The following SVIL variants were observed in gnomAD, a reference collection of about 807,000 sequenced individuals.
SVIL encodes supervillin.
Under a neutral mutation model 240.4 loss-of-function variants are expected in SVIL, and 101 were observed. That is an observed-to-expected ratio of 0.42 (90% CI 0.36 to 0.50). SVIL has a LOEUF of 0.50. SVIL is among the 20% of genes least tolerant of loss of function. SVIL has a pLI of 0.01. For missense variants in SVIL, 2,512 were observed against 2,818.7 expected (o/e 0.89, Z 2.46); for synonymous variants, 999 against 1,100.0 (o/e 0.91, Z 1.82).
rs1564627459 is a variant in SVIL at position 29,552,136 on chromosome 10, AAAAAC to A, written c.161-878_161-874del. Among the ~76,000 whole-genome samples the A allele has an allele frequency of 2.7e-5, 4 of 150,354 alleles. No homozygotes were observed. In the East Asian group the frequency reaches 7.8e-4, roughly 29 times the overall value. On this transcript the variant is annotated intron_variant, in intron 5 of 37. Coordinates refer to ENST00000355867, the MANE Select transcript of SVIL (RefSeq NM_021738.3). ...TTGTCTCAAAAAACAAAACAAAAAA[AAAAAC>A]CTATCAATCATCACCCTACAAACTA... is the stretch of plus-strand genomic sequence containing the variant.
chr10:29,702,175 C>CAAAAAAAA (rs60338711), intron 1 of SVIL, among the ~76,000 whole-genome samples: 6 of 61,622 alleles, frequency 9.7e-5, no homozygotes, highest in Non-Finnish European at 1.4e-4. Context: ...ACTCCATCTC[C>CAAAAAAAA]AAAAAAAAAA....
intron 17 of SVIL, among the ~76,000 whole-genome samples, chr10:29,501,410 T>G: frequency 1.4e-5 from 2 of 138,004 alleles, no homozygotes; most frequent in African/African-American, 2.7e-5. Context: ...ATGGTTGGGG[T>G]GGGAAAAATG....
intron 1 of SVIL, among the ~76,000 whole-genome samples, chr10:29,590,165 CAAAAAAAAAAAAA>C (rs58469441): frequency 0.31 from 25,262 of 80,236 alleles, 3,349 homozygotes; most frequent in Non-Finnish European, 0.36. Flanking sequence ...GACTCCGTCT[CAAAAAAAAAAAAA>C]AAAAAAAAAA....
At chr10:29,496,176 TA>T (rs536458428) in intron 18 of SVIL, among the ~76,000 whole-genome samples, 15 of 152,088 alleles carry the variant, frequency 9.9e-5, no homozygotes, top group South Asian at 6.2e-4. Flanking sequence ...AAAAATTTAA[TA>T]AAAAAAACCA....
rs117382634 is a variant in SVIL, at chr10:29,630,772, C to T, written c.-201+3648G>A. On this transcript the variant is annotated intron_variant, in intron 1 of 37. Transcript: ENST00000355867. ...AAGGAAAAAAAAGGAGAACTTATAA[C>T]ACAGAACACCAGCTTCTACTGTGAG... 6.4e-3 allele frequency among the ~76,000 whole-genome samples: 981 copies of T among 152,156 alleles called. 9 individuals are homozygous for T. Among genetic ancestry groups the T allele is most frequent in the Middle Eastern group, 0.014 (4 of 294 alleles).
At chr10:29,599,660 G>A (rs574935876) in intron 1 of SVIL, among the ~76,000 whole-genome samples, 5 of 151,962 alleles carry the variant, frequency 3.3e-5, no homozygotes, top group Non-Finnish European at 5.9e-5. Context: ...CAGATGATCC[G>A]CCCACCTTGG....
chr10:29,493,454 A>AC, intron 20 of SVIL, 63 bp from the exon 21 acceptor site: 6 of 1,558,300 alleles, frequency 3.9e-6, no homozygotes, highest in Non-Finnish European at 4.4e-6. Flanking sequence ...ATTATGCTTC[A>AC]CAATAGTTTA....
chr10:29,578,992 T>C (rs140682181), intron 1 of SVIL, among the ~76,000 whole-genome samples: 72 of 152,326 alleles, frequency 4.7e-4, no homozygotes, highest in African/African-American at 1.6e-3. Context: ...AGGAAGAACA[T>C]GCTAAAGATT....
At position 29,605,414 on chromosome 10, in the gene SVIL, T is replaced by G. The variant is rs75929517; in HGVS notation, c.-201+29006A>C. On this transcript the variant is annotated intron_variant, in intron 1 of 37. Transcript: ENST00000355867. ...GAGTGCAAGAGCAGCTCTAGAGTTT[T>G]GCTGCTCTGAGGTTTCCCAGATATG... is the stretch of plus-strand genomic sequence containing the variant. Among the ~76,000 whole-genome samples the G allele has an allele frequency of 6.0e-3, 921 of 152,376 alleles. 8 individuals are homozygous for G. The highest frequency in any genetic ancestry group is 0.021 in the African/African-American group (862 of 41,592).
At chr10:29,727,736 A>G (rs546651147) in intron 1 of SVIL, among the ~76,000 whole-genome samples, 946 of 92,062 alleles carry the variant, frequency 0.01, 11 homozygotes, top group African/African-American at 0.031. Flanking sequence ...TTAAGTCGTG[A>G]ACACAAAAAA....
chr10:29,626,208 G>GT (rs369405408), intron 1 of SVIL, among the ~76,000 whole-genome samples: 148 of 152,248 alleles, frequency 9.7e-4, no homozygotes, highest in African/African-American at 3.3e-3. Context: ...CACACACACG[G>GT]TTATGGCCCC....
At position 29,457,871 on chromosome 10, in the gene SVIL, AT is replaced by A. The variant is rs1231844209; in HGVS notation, c.*375del. 1.3e-5 allele frequency: 2 copies of A among 154,872 alleles called. No individual in the cohort carries two copies. The highest frequency in any genetic ancestry group is 2.9e-5 in the Non-Finnish European group (2 of 69,864). 9.6% of individuals were successfully genotyped at this position (154,872 alleles called of 1,614,324 possible). On this transcript the variant is annotated 3_prime_UTR_variant, in exon 38 of 38. Coordinates refer to ENST00000355867, the MANE Select transcript of SVIL (RefSeq NM_021738.3). ...ATATGGTGTTTATATAAATATATAT[AT>A]ATTTTAGAATCCACAAACTATCAAA... is the stretch of plus-strand genomic sequence containing the variant.
chr10:29,622,673 G>A (rs934010619), intron 1 of SVIL, among the ~76,000 whole-genome samples: 5 of 152,188 alleles, frequency 3.3e-5, no homozygotes, highest in African/African-American at 1.2e-4. Context: ...CAAACAAAAC[G>A]CTATTTAAGC....
intron 2 of SVIL, among the ~76,000 whole-genome samples, chr10:29,564,962 C>T (rs12771180): frequency 0.064 from 9,751 of 152,128 alleles, 369 homozygotes; most frequent in Admixed American, 0.12. Flanking sequence ...GAAATGTACC[C>T]GACTTAAGGA....
chr10:29,630,890 A>G (rs1958061460), intron 1 of SVIL, among the ~76,000 whole-genome samples: 1 of 152,128 alleles, frequency 6.6e-6, no homozygotes, highest in Non-Finnish European at 1.5e-5. Context: ...CCGTTCAAAC[A>G]ACTCACATTT....
chr10:29,483,392 G>T (rs1259693753), intron 27 of SVIL: 4 of 152,276 alleles, frequency 2.6e-5, no homozygotes, highest in Non-Finnish European at 5.9e-5. Flanking sequence ...ATGTAATCCT[G>T]GCTGCATCTT....
At chr10:29,625,464 T>TA (rs72024010) in intron 1 of SVIL, among the ~76,000 whole-genome samples, 185 of 146,898 alleles carry the variant, frequency 1.3e-3, no homozygotes, top group African/African-American at 4.7e-3. Flanking sequence ...TATATATATA[T>TA]TTTTTTTCCT....
At chr10:29,523,203 T>A (rs1258472647) in intron 15 of SVIL, among the ~76,000 whole-genome samples, 1 of 152,144 alleles carries the variant, frequency 6.6e-6, no homozygotes, top group Non-Finnish European at 1.5e-5. Context: ...GGCCATTGTG[T>A]GAGTGACCAA....
At chr10:29,492,925 T>C (rs1367876897) in intron 21 of SVIL, among the ~76,000 whole-genome samples, 3 of 152,180 alleles carry the variant, frequency 2.0e-5, no homozygotes, top group Non-Finnish European at 4.4e-5. Context: ...ATATTTACAT[T>C]ATGTGAAAAA....
Sources: gnomAD v4.1 joint callset for allele counts (sites outside exome capture counted in the v4.1 genomes callset) on GRCh38, gnomAD v4.1.1 for gene constraint, MANE v1.5 for transcripts, NCBI Gene and HGNC (gene_info 2026-07-23, HGNC 2026-07-21) for gene names.